CEP83: variants seen among roughly 807,000 people sequenced by gnomAD.
CEP83 encodes centrosomal protein 83, also known as centrosomal protein of 83 kDa.
CEP83 carries 70 observed loss-of-function variants against 101.9 expected under a neutral mutation model. The ratio of observed to expected loss-of-function variants is 0.69; its 90% CI spans 0.57 to 0.84. The LOEUF (loss-of-function observed/expected upper bound fraction) is 0.84, where lower values mean the gene tolerates loss of function less well. Ranked by LOEUF, CEP83 falls within the 40% of genes least tolerant of loss-of-function variation. The pLI is 0.00. For missense variants in CEP83, 715 were observed against 787.2 expected, an observed-to-expected ratio of 0.91 and a Z score of 1.10; for synonymous variants, 264 against 267.9, an observed-to-expected ratio of 0.99 and a Z score of 0.14.
chr12:94,317,570 C>A (rs1381326683), intron 14 of CEP83, among the ~76,000 whole-genome samples: 1 of 152,076 alleles, frequency 6.6e-6, no homozygotes, highest in Non-Finnish European at 1.5e-5. Context: ...GTCTTTAATC[C>A]TTCTTGAGTT....
upstream of CEP83, chr12:94,460,190 G>C (rs1290951073): frequency 2.0e-5 from 3 of 152,454 alleles, no homozygotes; most frequent in Middle Eastern, 3.4e-3. Flanking sequence ...ATCTAGCCCC[G>C]GGCACTTGCC....
intron 13 of CEP83, among the ~76,000 whole-genome samples, chr12:94,332,189 G>A (rs1374373380): frequency 6.6e-6 from 1 of 152,186 alleles, no homozygotes; most frequent in East Asian, 1.9e-4. Context: ...CAGATGTGAA[G>A]TATAATAACC....
At chr12:94,332,771 T>C (rs896439427) in intron 13 of CEP83, among the ~76,000 whole-genome samples, 1 of 152,118 alleles carries the variant, frequency 6.6e-6, no homozygotes, top group Non-Finnish European at 1.5e-5. Flanking sequence ...AACCTTTGAA[T>C]ATGTAATAAT....
intron 14 of CEP83, among the ~76,000 whole-genome samples, chr12:94,319,393 T>C (rs1311899289): frequency 6.6e-6 from 1 of 152,196 alleles, no homozygotes; most frequent in African/African-American, 2.4e-5. Context: ...TGTTTTGATC[T>C]CCTTCTGTTC....
rs763595373 is a variant in CEP83 at position 94,403,281 on chromosome 12, C to A, written c.325-19G>T. ...TTAATATCTAATATGTAGAGAAATGCAAACAATATAAAATCACATTAAAAT... is the reference window on the plus strand; with the variant it reads ...TTAATATCTAATATGTAGAGAAATGAAAACAATATAAAATCACATTAAAAT... On this transcript the variant is annotated intron_variant, in intron 4 of 16. Transcript: ENST00000397809. 4 of 1,046,880 alleles carry A rather than the reference C, an allele frequency of 3.8e-6. No individual in the cohort carries two copies. Among genetic ancestry groups the A allele is most frequent in the Non-Finnish European group, 5.9e-6 (4 of 672,596 alleles). 64.8% of individuals were successfully genotyped at this position (1,046,880 alleles called of 1,614,324 possible).
chr12:94,297,970 A>G, the CEP83 span, among the ~76,000 whole-genome samples: 1 of 152,274 alleles, frequency 6.6e-6, no homozygotes, highest in Non-Finnish European at 1.5e-5. Context: ...GTCTGTGGTG[A>G]TCTTTTTTTT....
downstream of CEP83, chr12:94,305,711 A>T (rs1449829140): frequency 1.9e-5 from 3 of 153,938 alleles, no homozygotes; most frequent in African/African-American, 7.2e-5. Context: ...GAAATGAGTC[A>T]TTTGGAAACA....
intron 14 of CEP83, among the ~76,000 whole-genome samples, chr12:94,331,046 C>T (rs911720623): frequency 1.3e-5 from 2 of 152,006 alleles, no homozygotes; most frequent in Non-Finnish European, 2.9e-5. Flanking sequence ...AATCCCAGCA[C>T]TTTGGGAGGC....
intron 11 of CEP83, among the ~76,000 whole-genome samples, chr12:94,341,523 G>GA (rs2059687054): frequency 1.3e-5 from 2 of 148,936 alleles, no homozygotes; most frequent in East Asian, 3.9e-4. Flanking sequence ...AACTGTCAAG[G>GA]AAAAAATACC....
intron 2 of CEP83, among the ~76,000 whole-genome samples, chr12:94,425,305 G>A (rs142576734): frequency 1.4e-4 from 22 of 152,270 alleles, no homozygotes; most frequent in Non-Finnish European, 3.1e-4. Context: ...GAATTAAGAA[G>A]CAGACATTGC....
chr12:94,292,514 T>C, the CEP83 span, among the ~76,000 whole-genome samples: 7 of 152,184 alleles, frequency 4.6e-5, no homozygotes, highest in Non-Finnish European at 7.3e-5. Flanking sequence ...TACAAGCTTT[T>C]GAAAAAATGT....
chr12:94,342,065 A>G (rs1267744225), intron 11 of CEP83, among the ~76,000 whole-genome samples: 1 of 152,212 alleles, frequency 6.6e-6, no homozygotes. Context: ...GCAAAAGGAC[A>G]GACAAGATTG....
At position 94,401,920 on chromosome 12, in the gene CEP83, G is replaced by A. The variant is rs116619637; in HGVS notation, c.418-939C>T. ...AAGCCAGTAAGCCATTATAAAAGACGATTCTACAACTGTTTTGGGCAATTA... is the reference window on the plus strand; with the variant it reads ...AAGCCAGTAAGCCATTATAAAAGACAATTCTACAACTGTTTTGGGCAATTA... On this transcript the variant is annotated intron_variant, in intron 5 of 16. Transcript: ENST00000397809. Among the ~76,000 whole-genome samples the A allele has an allele frequency of 7.0e-3, 1,063 of 152,210 alleles. 13 individuals carry two copies. Among genetic ancestry groups the A allele is most frequent in the African/African-American group, 0.024 (1,013 of 41,536 alleles).
At chr12:94,311,002 C>T (rs1023370739) in intron 15 of CEP83, among the ~76,000 whole-genome samples, 44 of 152,132 alleles carry the variant, frequency 2.9e-4, no homozygotes, top group African/African-American at 1.0e-3. Flanking sequence ...AAGACTGAGG[C>T]ATGATTAGAG....
intron 11 of CEP83, among the ~76,000 whole-genome samples, chr12:94,363,155 T>C (rs2060855758): frequency 6.6e-6 from 1 of 152,212 alleles, no homozygotes; most frequent in Admixed American, 6.5e-5. Context: ...TATTGTATAT[T>C]TGAGCTAGAA....
intron 2 of CEP83, among the ~76,000 whole-genome samples, chr12:94,417,436 A>G (rs2064363808): frequency 6.6e-6 from 1 of 152,204 alleles, no homozygotes; most frequent in South Asian, 2.1e-4. Flanking sequence ...CAGCTAAAAC[A>G]AAAAGTTTAG....
intron 11 of CEP83, among the ~76,000 whole-genome samples, chr12:94,347,086 CACACACAT>C (rs1297845449): frequency 3.4e-5 from 5 of 148,408 alleles, no homozygotes; most frequent in African/African-American, 1.2e-4. Context: ...CACACACACA[CACACACAT>C]ACACACACAC....
intron 6 of CEP83, among the ~76,000 whole-genome samples, chr12:94,384,614 T>C (rs1456088797): frequency 6.6e-6 from 1 of 152,188 alleles, no homozygotes; most frequent in African/African-American, 2.4e-5. Context: ...TCTGTTCAGA[T>C]TGGGTAATTT....
chr12:94,339,890 C>T (rs1474380951), intron 11 of CEP83, among the ~76,000 whole-genome samples: 1 of 152,220 alleles, frequency 6.6e-6, no homozygotes, highest in Non-Finnish European at 1.5e-5. Context: ...AAAGACATGC[C>T]ACAGCCCTGC....
Sources: allele counts gnomAD v4.1 joint callset (sites outside exome capture counted in the v4.1 genomes callset), GRCh38; gene constraint gnomAD v4.1.1; transcripts MANE v1.5; gene names NCBI Gene and HGNC (gene_info 2026-07-23, HGNC 2026-07-21).